PRKN: variants seen among roughly 807,000 people sequenced by gnomAD.
PRKN encodes parkin RBR E3 ubiquitin protein ligase.
PRKN carries 56 observed loss-of-function variants against 59.5 expected under a neutral mutation model. The observed-to-expected ratio is 0.94, with a 90% CI of 0.76 to 1.18. The LOEUF (loss-of-function observed/expected upper bound fraction) is 1.18, where lower values mean the gene tolerates loss of function less well. Ranked by LOEUF, PRKN falls within the 50% of genes most tolerant of loss-of-function variation. The pLI, the probability that PRKN is intolerant of heterozygous loss-of-function variation, is 0.00. For synonymous variants in PRKN, 250 were observed against 222.1 expected (o/e 1.13, Z -1.12); for missense variants, 657 against 596.4 (o/e 1.10, Z -1.06).
At chr6:161,691,818 G>T (rs185590862) in intron 7 of PRKN, among the ~76,000 whole-genome samples, 1 of 152,276 alleles carries the variant, frequency 6.6e-6, no homozygotes, top group East Asian at 1.9e-4. Flanking sequence ...AAGAGTGTTG[G>T]GTGAGTCAAA....
intron 7 of PRKN, among the ~76,000 whole-genome samples, chr6:161,747,864 C>T (rs921662860): frequency 3.3e-5 from 5 of 152,302 alleles, no homozygotes; most frequent in African/African-American, 9.6e-5. Context: ...AGTTAACAAA[C>T]GTATCTTAAT....
intron 6 of PRKN, among the ~76,000 whole-genome samples, chr6:161,814,511 C>CT (rs1037520092): frequency 8.6e-5 from 13 of 151,740 alleles, no homozygotes; most frequent in African/African-American, 1.2e-4. Flanking sequence ...GCCTTTTTTT[C>CT]TTTTTTTTGA....
At chr6:162,330,642 A>T (rs1484759080) in intron 2 of PRKN, among the ~76,000 whole-genome samples, 2 of 152,204 alleles carry the variant, frequency 1.3e-5, no homozygotes, top group Non-Finnish European at 2.9e-5. Context: ...AAGAAACTAA[A>T]CAGGTAGTGC....
intron 1 of PRKN, among the ~76,000 whole-genome samples, chr6:162,676,639 A>C (rs1779556302): frequency 6.6e-6 from 1 of 152,232 alleles, no homozygotes. Flanking sequence ...GAAAAGAAAG[A>C]AAGAGATTTA....
intron 7 of PRKN, among the ~76,000 whole-genome samples, chr6:161,756,632 T>C (rs917083412): frequency 1.3e-5 from 2 of 151,938 alleles, no homozygotes; most frequent in African/African-American, 4.8e-5. Flanking sequence ...GCTGTCTTTA[T>C]GTCTTTCTTT....
At chr6:162,306,096 A>G (rs1046041710) in intron 2 of PRKN, among the ~76,000 whole-genome samples, 2 of 152,134 alleles carry the variant, frequency 1.3e-5, no homozygotes, top group Non-Finnish European at 2.9e-5. Context: ...AATAATCTTC[A>G]TAAGTTCCCT....
intron 2 of PRKN, among the ~76,000 whole-genome samples, chr6:162,381,837 T>A (rs1786504034): frequency 6.6e-6 from 1 of 152,182 alleles, no homozygotes; most frequent in African/African-American, 2.4e-5. Flanking sequence ...ACATTCTCTT[T>A]TCCACATTAC....
In PRKN at chr6:161,429,687, G is replaced by C. The variant is rs1340204776; in HGVS notation, c.1084-42810C>G. The stretch of plus-strand genomic sequence containing the variant: ...AAGAAAGAGGAATCCAGAAGTTCCA[G>C]TCCGAGGGTGTGTGGGAGGAGGGTG... On this transcript the variant is annotated intron_variant, in intron 9 of 11. Transcript: ENST00000366898. The surrounding 1 kb of genome is among the most constrained non-coding windows in gnomAD (Gnocchi z 4.2). 1.3e-5 allele frequency among the ~76,000 whole-genome samples: 2 copies of C among 152,180 alleles called. No individual in the cohort carries two copies. Among genetic ancestry groups the C allele is most frequent in the African/African-American group, 4.8e-5 (2 of 41,426 alleles).
chr6:162,370,800 G>A (rs1037689654), intron 2 of PRKN, among the ~76,000 whole-genome samples: 5 of 152,156 alleles, frequency 3.3e-5, no homozygotes, highest in Non-Finnish European at 5.9e-5. Flanking sequence ...GTATTATGTG[G>A]GATATTAGTA....
chr6:161,367,529 T>C (rs1378136155), intron 10 of PRKN, among the ~76,000 whole-genome samples: 1 of 151,822 alleles, frequency 6.6e-6, no homozygotes, highest in East Asian at 1.9e-4. Context: ...TATTCCTCCA[T>C]AGGGCATGAA....
At chr6:162,036,541 G>T (rs941594333) in intron 5 of PRKN, among the ~76,000 whole-genome samples, 1 of 151,172 alleles carries the variant, frequency 6.6e-6, no homozygotes, top group Non-Finnish European at 1.5e-5. Context: ...CACCACGCTC[G>T]GCTAATTTTT....
intron 6 of PRKN, among the ~76,000 whole-genome samples, chr6:161,891,378 G>A (rs1372565049): frequency 1.3e-5 from 2 of 152,276 alleles, no homozygotes; most frequent in East Asian, 3.9e-4. Context: ...TGTAATGAGA[G>A]GTTGAAGCTG....
chr6:161,803,778 C>A (rs1791192298), intron 6 of PRKN, among the ~76,000 whole-genome samples: 1 of 152,214 alleles, frequency 6.6e-6, no homozygotes. Flanking sequence ...GGGCCGAGAG[C>A]TTTTCCGCAC....
At chr6:162,307,040 C>A (rs1782261797) in intron 2 of PRKN, among the ~76,000 whole-genome samples, 1 of 152,112 alleles carries the variant, frequency 6.6e-6, no homozygotes, top group African/African-American at 2.4e-5. Flanking sequence ...CAATCCCCAC[C>A]CACCTATAGG....
In PRKN at chr6:161,347,613, G is replaced by GTTTTTTTTTTTTTTTTTTTTTTTTTTTT. The variant is rs763588687; in HGVS notation, c.*2485_*2486insAAAAAAAAAAAAAAAAAAAAAAAAAAAA. 1 of 119,274 alleles carries GTTTTTTTTTTTTTTTTTTTTTTTTTTTT rather than the reference G, an allele frequency of 8.4e-6. No individual in the cohort carries two copies. The allele number at this position is 119,274 out of a possible 1,614,324, so 7.4% of individuals were successfully genotyped here. A position where few individuals can be genotyped will look rare whatever the true frequency, so the allele number is the denominator to read the frequency against. ...GTGTAGTGGATGATCTTGCTTTTTT[G>GTTTTTTTTTTTTTTTTTTTTTTTTTTTT]TTTTTGTTTTTTTTTTTTTTTTGAG... On this transcript the variant is annotated 3_prime_UTR_variant, in exon 12 of 12. Transcript: ENST00000366898.
intron 1 of PRKN, among the ~76,000 whole-genome samples, chr6:162,545,135 A>C: frequency 6.6e-6 from 1 of 151,792 alleles, no homozygotes; most frequent in South Asian, 2.1e-4. Context: ...AAATACAAAA[A>C]AAATGAGCTG....
At position 162,049,396 on chromosome 6, in the gene PRKN, A is replaced by G. The variant is rs578152326; in HGVS notation, c.618+4695T>C. ...TGCATTGTGAAAATGCAATCCAGAA[A>G]AATGGTTTTAAGAGAGAGTGAAAGA... On this transcript the variant is annotated intron_variant, in intron 5 of 11. Transcript: ENST00000366898. Among the ~76,000 whole-genome samples, 12 of 152,268 alleles carry G rather than the reference A, an allele frequency of 7.9e-5. No individual in the cohort carries two copies. The South Asian group carries it at 2.5e-3, about 32-fold the overall frequency.
At chr6:162,383,335 A>T (rs1225047442) in intron 2 of PRKN, among the ~76,000 whole-genome samples, 1 of 152,194 alleles carries the variant, frequency 6.6e-6, no homozygotes, top group Non-Finnish European at 1.5e-5. Context: ...CTACAGAATG[A>T]CCGTTATGTT....
intron 1 of PRKN, among the ~76,000 whole-genome samples, chr6:162,532,745 T>C (rs1388323716): frequency 6.6e-6 from 1 of 152,214 alleles, no homozygotes; most frequent in Non-Finnish European, 1.5e-5. Context: ...AGATTTCTTA[T>C]CTGTATCGGA....
Sources: gnomAD v4.1 joint callset for allele counts (sites outside exome capture counted in the v4.1 genomes callset) on GRCh38, gnomAD v4.1.1 for gene constraint, Gnocchi (gnomAD v3.1) non-coding constraint, MANE v1.5 for transcripts, NCBI Gene and HGNC (gene_info 2026-07-23, HGNC 2026-07-21) for gene names.